The following SNTG1 variants were observed in gnomAD, a reference collection of about 807,000 sequenced individuals.
SNTG1 encodes the protein syntrophin gamma 1.
A neutral mutation model predicts 74.7 loss-of-function variants in SNTG1; 39 were observed. The ratio of observed to expected loss-of-function variants is 0.52; its 90% CI spans 0.40 to 0.68. The LOEUF (loss-of-function observed/expected upper bound fraction) is 0.68. Among genes scored for constraint, SNTG1 ranks in the 30% least tolerant of loss-of-function variants. The pLI, the probability that SNTG1 is intolerant of heterozygous loss-of-function variation, is 0.00. For missense variants in SNTG1, 685 were observed against 609.5 expected (o/e 1.12, Z -1.30); for synonymous variants, 254 against 217.1 (o/e 1.17, Z -1.49).
At chr8:50,320,394 T>C (rs1453077273) in intron 2 of SNTG1, among the ~76,000 whole-genome samples, 2 of 152,136 alleles carry the variant, frequency 1.3e-5, no homozygotes, top group East Asian at 3.8e-4. Flanking sequence ...ATTTGGATTT[T>C]TTTCTCTTTT....
intron 2 of SNTG1, among the ~76,000 whole-genome samples, chr8:50,392,999 G>A (rs1334403829): frequency 6.6e-6 from 1 of 151,758 alleles, no homozygotes; most frequent in East Asian, 1.9e-4. Context: ...TCCTTCTTTT[G>A]TAGTAAAAGA....
intron 13 of SNTG1, among the ~76,000 whole-genome samples, chr8:50,628,889 A>G (rs2094975977): frequency 6.6e-6 from 1 of 152,194 alleles, no homozygotes; most frequent in Non-Finnish European, 1.5e-5. Flanking sequence ...GTAGAATATT[A>G]CCAGAATATT....
At chr8:49,936,016 A>T (rs1233591238) in intron 1 of SNTG1, among the ~76,000 whole-genome samples, 1 of 152,234 alleles carries the variant, frequency 6.6e-6, no homozygotes, top group East Asian at 1.9e-4. Flanking sequence ...AGTGAATCCA[A>T]TTAAAACTAA....
intron 9 of SNTG1, among the ~76,000 whole-genome samples, chr8:50,514,672 T>C (rs2094116358): frequency 6.6e-6 from 1 of 152,204 alleles, no homozygotes; most frequent in African/African-American, 2.4e-5. Flanking sequence ...GAGAATATTT[T>C]GTGTACACAT....
At chr8:50,002,055 C>T (rs995532289) in intron 1 of SNTG1, among the ~76,000 whole-genome samples, 3 of 152,090 alleles carry the variant, frequency 2.0e-5, no homozygotes, top group South Asian at 4.1e-4. Flanking sequence ...TTGTCATGCA[C>T]TTAGCACCAC....
At chr8:50,364,902 T>G (rs2092066018) in intron 2 of SNTG1, among the ~76,000 whole-genome samples, 1 of 152,172 alleles carries the variant, frequency 6.6e-6, no homozygotes. Flanking sequence ...TAAAATAATA[T>G]AATTTTATTT....
chr8:50,487,526 A>C (rs2093807732), intron 8 of SNTG1, among the ~76,000 whole-genome samples: 1 of 152,180 alleles, frequency 6.6e-6, no homozygotes, highest in Admixed American at 6.5e-5. Flanking sequence ...TGATGAGTTC[A>C]TGTCTTTGGA....
At chr8:50,100,427 G>A (rs2080079315) in intron 1 of SNTG1, among the ~76,000 whole-genome samples, 1 of 151,972 alleles carries the variant, frequency 6.6e-6, no homozygotes, top group Admixed American at 6.6e-5. Context: ...AGAGGGTTTT[G>A]AATATTCGCA....
At chr8:49,954,485 A>G (rs1809988507) in intron 1 of SNTG1, among the ~76,000 whole-genome samples, 1 of 152,278 alleles carries the variant, frequency 6.6e-6, no homozygotes, top group South Asian at 2.1e-4. Flanking sequence ...TTCTGTGGCA[A>G]TTTTTCACCA....
chr8:50,624,441 A>T lies in SNTG1; in HGVS notation c.850-32468A>T, dbSNP rs1466620239. 1.3e-5 allele frequency among the ~76,000 whole-genome samples: 2 copies of T among 152,098 alleles called. 1 individual carries two copies. Among genetic ancestry groups the T allele is most frequent in the Non-Finnish European group, 2.9e-5 (2 of 68,000 alleles). On this transcript the variant is annotated intron_variant, in intron 13 of 18. Coordinates refer to ENST00000642720, the MANE Select transcript of SNTG1 (RefSeq NM_018967.5). The stretch of plus-strand genomic sequence containing the variant: ...AAGAATTTCTGGTTGTTATTGGGTC[A>T]CTAAAATGACCAAAATGGCCCTGGA...
chr8:50,062,919 T>C (rs1358227172), intron 1 of SNTG1, among the ~76,000 whole-genome samples: 2 of 152,234 alleles, frequency 1.3e-5, no homozygotes, highest in Non-Finnish European at 1.5e-5. Context: ...AAAGTGATGA[T>C]TAAATACATA....
chr8:50,671,986 T>C lies in SNTG1; in HGVS notation c.1038+13323T>C, dbSNP rs1486392132. ...ACATGTTCTCACTCACAGATGGGAA[T>C]TGAACAATGAGAACACATGGACACA... On this transcript the variant is annotated intron_variant, in intron 15 of 18. Coordinates refer to ENST00000642720, the MANE Select transcript of SNTG1 (RefSeq NM_018967.5). 3.0e-5 allele frequency among the ~76,000 whole-genome samples: 4 copies of C among 135,336 alleles called. No homozygotes were observed. The South Asian group carries it at 7.0e-4, about 24-fold the overall frequency. 88.8% of individuals were successfully genotyped at this position (135,336 alleles called of 152,430 possible).
chr8:50,206,299 G>C (rs2131873543), intron 2 of SNTG1, among the ~76,000 whole-genome samples: 1 of 152,258 alleles, frequency 6.6e-6, no homozygotes, highest in South Asian at 2.1e-4. Flanking sequence ...TTGTCAGTTG[G>C]ATTCCTAGGT....
intron 11 of SNTG1, among the ~76,000 whole-genome samples, chr8:50,544,881 T>TG (rs532361710): frequency 2.0e-5 from 3 of 151,892 alleles, no homozygotes; most frequent in Non-Finnish European, 4.4e-5. Flanking sequence ...AGTGAGGGAG[T>TG]GGGGGGCAAG....
Position 50,036,756 on chromosome 8 carries a change from T to G in SNTG1, c.-103+124525T>G, listed in dbSNP as rs962664846. ...AGGCTAAAAACCAAACTCCTCTTCT[T>G]CGGCTGAAGTAAGCATTCTCTGTAA... On this transcript the variant is annotated intron_variant, in intron 1 of 18. Transcript: ENST00000642720. Among the ~76,000 whole-genome samples, 9 of 152,340 alleles carry G rather than the reference T, an allele frequency of 5.9e-5. No homozygotes were observed. In the East Asian group the frequency reaches 1.7e-3, roughly 29 times the overall value.
intron 1 of SNTG1, among the ~76,000 whole-genome samples, chr8:50,085,628 T>C (rs1420763468): frequency 6.6e-6 from 1 of 152,216 alleles, no homozygotes; most frequent in Non-Finnish European, 1.5e-5. Flanking sequence ...GTAGACAATC[T>C]GTGCTGCAGT....
chr8:50,046,173 C>G (rs1177382088), intron 1 of SNTG1, among the ~76,000 whole-genome samples: 1 of 152,180 alleles, frequency 6.6e-6, no homozygotes, highest in African/African-American at 2.4e-5. Flanking sequence ...CATTTTTCAA[C>G]CTTTAAATAT....
chr8:50,076,320 T>C (rs750254955), intron 1 of SNTG1, among the ~76,000 whole-genome samples: 14 of 152,280 alleles, frequency 9.2e-5, no homozygotes, highest in Non-Finnish European at 1.6e-4. Flanking sequence ...CTGAATTCTT[T>C]TGTGAGTTGG....
chr8:50,649,717 G>A (rs552935006), intron 13 of SNTG1, among the ~76,000 whole-genome samples: 29 of 152,084 alleles, frequency 1.9e-4, no homozygotes, highest in Non-Finnish European at 3.1e-4. Flanking sequence ...TTTTCTGAAA[G>A]CCTCATTAAT....
Sources: allele counts gnomAD v4.1 joint callset (sites outside exome capture counted in the v4.1 genomes callset), GRCh38; gene constraint gnomAD v4.1.1; transcripts MANE v1.5; gene names NCBI Gene and HGNC (gene_info 2026-07-23, HGNC 2026-07-21).